SSH1: variants seen among roughly 807,000 people sequenced by gnomAD.
SSH1 encodes the protein protein phosphatase Slingshot homolog 1.
SSH1 carries 43 observed loss-of-function variants against 79.7 expected under a neutral mutation model. That is an observed-to-expected ratio of 0.54 (90% CI 0.42 to 0.70). The LOEUF (loss-of-function observed/expected upper bound fraction) is 0.70, where lower values mean the gene tolerates loss of function less well. Ranked by LOEUF, SSH1 falls within the 30% of genes least tolerant of loss-of-function variation. The pLI, the probability that SSH1 is intolerant of heterozygous loss-of-function variation, is 0.00. For synonymous variants in SSH1, 599 were observed against 538.3 expected, an observed-to-expected ratio of 1.11 and a Z score of -1.56; for missense variants, 1,206 against 1,358.8, an observed-to-expected ratio of 0.89 and a Z score of 1.77.
rs560994120 is a variant in SSH1 at position 108,816,384 on chromosome 12, C to A, written c.401+654G>T. On this transcript the variant is annotated intron_variant, in intron 5 of 14. Coordinates refer to ENST00000326495, the MANE Select transcript of SSH1 (RefSeq NM_018984.4). ...GAATGATGAATAAAGGGAATCTAAT[C>A]TAGTTTTAACAAATCCAGGTTTTGC... 2.0e-5 allele frequency among the ~76,000 whole-genome samples: 3 copies of A among 152,360 alleles called. No homozygotes were observed. The South Asian group carries it at 6.2e-4, about 32-fold the overall frequency.
At chr12:108,827,325 G>C in intron 2 of SSH1, 4 of 1,550,986 alleles carry the variant, frequency 2.6e-6, no homozygotes, top group Non-Finnish European at 3.5e-6. Context: ...AGATGCAGAA[G>C]TCGGTAAAAT....
intron 2 of SSH1, among the ~76,000 whole-genome samples, chr12:108,837,745 G>A (rs1566014294): frequency 2.0e-5 from 3 of 151,844 alleles, no homozygotes; most frequent in African/African-American, 7.3e-5. Flanking sequence ...TCATTTGTAT[G>A]TGTTGGGAGC....
At chr12:108,846,094 A>G (rs1316250473) in intron 2 of SSH1, among the ~76,000 whole-genome samples, 1 of 152,188 alleles carries the variant, frequency 6.6e-6, no homozygotes, top group Non-Finnish European at 1.5e-5. Context: ...TTCCAAGTGG[A>G]GACCAAAAGG....
chr12:108,823,356 C>T lies in SSH1; in HGVS notation c.116G>A (p.Ser39Asn). The T allele has an allele frequency of 6.4e-7, 1 of 1,566,780 alleles. No individual in the cohort carries two copies. Among genetic ancestry groups the T allele is most frequent in the Non-Finnish European group, 8.7e-7 (1 of 1,154,068 alleles). The change falls in exon 3 of 15, where the codon AGT becomes AAT. Residue 39 changes from serine (S) to asparagine (N), a missense_variant. Ser to Asn is a conservative substitution (Grantham distance 46). Around this residue, in one of 5 missense-constraint regions of SSH1, gnomAD observed 100 missense variants for 82.3 expected, o/e 1.21. Transcript: ENST00000326495. The stretch of plus-strand genomic sequence containing the variant: ...GCCTTTCACCATGAAAAAGCTCTCA[C>T]TTAAGCTGGGAAGGATAAGACCAGA... ...EEDRKLNLSL[S>N]ESFFMVKGAA... is the part of the protein sequence containing the mutation.
In SSH1 at chr12:108,828,450, T is replaced by G. The variant is rs144651185; in HGVS notation, c.111-5089A>C. 8.8e-3 allele frequency among the ~76,000 whole-genome samples: 1,344 copies of G among 152,346 alleles called. 28 individuals carry two copies. Among genetic ancestry groups the G allele is most frequent in the Non-Finnish European group, 0.011 (782 of 68,036 alleles). ...TCCAGAATGAAAATCAGAGCCATTATGCTGCGGTCACATCCGCTCATGCCT... is the reference window on the plus strand; with the variant it reads ...TCCAGAATGAAAATCAGAGCCATTAGGCTGCGGTCACATCCGCTCATGCCT... On this transcript the variant is annotated intron_variant, in intron 2 of 14. Coordinates refer to ENST00000326495, the MANE Select transcript of SSH1 (RefSeq NM_018984.4).
chr12:108,853,001 T>C, intron 1 of SSH1: 1 of 985,398 alleles, frequency 1.0e-6, no homozygotes, highest in Non-Finnish European at 1.2e-6. Flanking sequence ...TTTCCGAGGT[T>C]GTTCTGGACC....
At chr12:108,811,569 C>T (rs2037601331) in intron 5 of SSH1, 2 of 554,394 alleles carry the variant, frequency 3.6e-6, no homozygotes, top group South Asian at 1.9e-5. Flanking sequence ...CGCACGCCCA[C>T]TCTACAGCAG....
rs76087488 is a variant in SSH1, at chr12:108,853,307, G to A, written c.70-629C>T. 4.6e-3 allele frequency: 4,538 copies of A among 985,116 alleles called. 179 individuals are homozygous for A. The African/African-American group carries it at 0.073, about 16-fold the overall frequency. The allele number at this position is 985,116 out of a possible 1,614,324, so 61.0% of individuals were successfully genotyped here. A position where few individuals can be genotyped will look rare whatever the true frequency, so the allele number is the denominator to read the frequency against. ...TATTTTCTGAAATCTAAAAGGCCAC[G>A]AGTTTGGGCTCCAGAAGTACCTATG... On this transcript the variant is annotated intron_variant, in intron 1 of 14. Coordinates refer to ENST00000326495, the MANE Select transcript of SSH1 (RefSeq NM_018984.4).
At chr12:108,834,932 CCTGGGCACA>C (rs994977364) in intron 2 of SSH1, among the ~76,000 whole-genome samples, 3 of 152,098 alleles carry the variant, frequency 2.0e-5, no homozygotes, top group East Asian at 3.8e-4. Context: ...ATCTCTGTGC[CCTGGGCACA>C]CTGGGCACTC....
At chr12:108,811,160 G>T in intron 6 of SSH1, 100 bp downstream of exon 6, 1 of 1,076,510 alleles carries the variant, frequency 9.3e-7, no homozygotes, top group Admixed American at 1.7e-5. Flanking sequence ...CGCCACACGT[G>T]TCATTCAGTG....
intron 13 of SSH1, among the ~76,000 whole-genome samples, chr12:108,796,962 G>A (rs1440335737): frequency 6.6e-6 from 1 of 152,070 alleles, no homozygotes; most frequent in Non-Finnish European, 1.5e-5. Flanking sequence ...GGCTGGCCTT[G>A]AACTCCTGAC....
Position 108,783,754 on chromosome 12 carries a change from C to G in SSH1, c.*4234G>C, listed in dbSNP as rs927050319. On this transcript the variant is annotated 3_prime_UTR_variant, in exon 15 of 15. Coordinates refer to ENST00000326495, the MANE Select transcript of SSH1 (RefSeq NM_018984.4). ...GTTTCTATACTCAAATATACAGATG[C>G]AGAGTGAACTCAAACACACAGGCAT... 9 of 152,234 alleles carry G rather than the reference C, an allele frequency of 5.9e-5. No individual in the cohort carries two copies. Among genetic ancestry groups the G allele is most frequent in the African/African-American group, 2.2e-4 (9 of 41,450 alleles). 9.4% of individuals were successfully genotyped at this position (152,234 alleles called of 1,614,324 possible).
intron 14 of SSH1, chr12:108,792,015 G>A: frequency 1.4e-6 from 2 of 1,409,174 alleles, no homozygotes; most frequent in Non-Finnish European, 1.9e-6. Context: ...TACATGGGGT[G>A]AAGATGGTGT....
chr12:108,817,439 G>T, intron 4 of SSH1: 1 of 383,728 alleles, frequency 2.6e-6, no homozygotes, highest in East Asian at 6.5e-5. Flanking sequence ...GCTGGGCATG[G>T]TGGCGTGCGC....
chr12:108,809,288 CAA>C (rs1036489941), intron 7 of SSH1, among the ~76,000 whole-genome samples: 1 of 140,728 alleles, frequency 7.1e-6, no homozygotes. Flanking sequence ...CCCATCTCTA[CAA>C]AAAAAAAAAT....
rs781664894 is a variant in SSH1 at position 108,792,659 on chromosome 12, AG to A, written c.1519del (p.Leu507SerfsTer62). On this transcript the variant is annotated frameshift_variant, in exon 14 of 15. Coordinates refer to ENST00000326495, the MANE Select transcript of SSH1 (RefSeq NM_018984.4). LOFTEE classifies it high-confidence loss of function. Reference protein sequence around the residue: ...DAAQPGLGPPLPCCFRRLSDP... With the variant: ...DAAQPGLGPPXPCCFRRLSDP... ...TGAGAGTCGCCGGAAACAGCAGGGG[AG>A]GGGGGGCCCTAAGCCGGGCTGGGCG... 4 of 1,611,348 alleles carry A rather than the reference AG, an allele frequency of 2.5e-6. No individual in the cohort carries two copies. The highest frequency in any genetic ancestry group is 2.5e-6 in the Non-Finnish European group (3 of 1,179,764).
At chr12:108,816,076 C>T (rs749346929) in intron 5 of SSH1, among the ~76,000 whole-genome samples, 2 of 152,196 alleles carry the variant, frequency 1.3e-5, no homozygotes, top group East Asian at 3.8e-4. Context: ...CGCCTGACTG[C>T]CCACTTGCCC....
intron 5 of SSH1, 34 bp from the exon 6 acceptor site, chr12:108,811,362 C>T (rs200916483): frequency 8.9e-5 from 143 of 1,603,674 alleles, no homozygotes; most frequent in Admixed American, 1.7e-4. Flanking sequence ...GTGGAGTCAG[C>T]GTCTACCCAC....
chr12:108,855,701 A>G (rs2039130220), intron 1 of SSH1, among the ~76,000 whole-genome samples: 1 of 152,240 alleles, frequency 6.6e-6, no homozygotes, highest in African/African-American at 2.4e-5. Context: ...TGACCGGAAC[A>G]GAAAACAGCC....
Sources: allele counts gnomAD v4.1 joint callset (sites outside exome capture counted in the v4.1 genomes callset), GRCh38; gene constraint gnomAD v4.1.1; regional missense constraint gnomAD v4.1.1; transcripts MANE v1.5; gene names NCBI Gene and HGNC (gene_info 2026-07-23, HGNC 2026-07-21).